The following NBPF8 variants were observed in gnomAD, a reference collection of about 807,000 sequenced individuals.
NBPF8 encodes the protein NBPF family member NBPF8.
upstream of NBPF8, among the ~76,000 whole-genome samples, chr1:120,419,241 C>T (rs1660507096): frequency 2.0e-5 from 3 of 152,190 alleles, no homozygotes; most frequent in African/African-American, 7.2e-5. Flanking sequence ...GTATGTGTTG[C>T]TGCTAAGATT....
exon 13 of NBPF8, chr1:120,452,290 G>A: frequency 7.0e-7 from 1 of 1,418,920 alleles, no homozygotes; most frequent in East Asian, 2.3e-5. Context: ...CTGGCTGAGG[G>A]GTGTAGACTG....
In NBPF8 at chr1:120,459,532, T is replaced by C; in HGVS notation, n.2784+2T>C. 7.1e-7 allele frequency: 1 copy of C among 1,415,534 alleles called. No individual in the cohort carries two copies. 87.7% of individuals were successfully genotyped at this position (1,415,534 alleles called of 1,614,324 possible). On this transcript the variant is annotated splice_donor_variant and non_coding_transcript_variant, in intron 17 of 24. Transcript: ENST00000583271. ...TCTGCATGGCTGTTGACATAGGCAGTGAGTACTCCATTGTGAAGGTGATAA... is the reference window on the plus strand; with the variant it reads ...TCTGCATGGCTGTTGACATAGGCAGCGAGTACTCCATTGTGAAGGTGATAA...
chr1:120,422,572 T>TA (rs1660604937), intron 1 of NBPF8, among the ~76,000 whole-genome samples: 1 of 134,106 alleles, frequency 7.5e-6, no homozygotes, highest in South Asian at 2.2e-4. Context: ...GCTTGTTTTG[T>TA]AAAATCACTG....
chr1:120,464,301 C>T (rs1661679861), intron 22 of NBPF8, 75 bp from the exon 21 acceptor site: 1 of 713,186 alleles, frequency 1.4e-6, no homozygotes, highest in Non-Finnish European at 2.5e-6. Context: ...CCTTATGCTA[C>T]CCATGAAACC....
Position 120,454,175 on chromosome 1 carries a change from A to G in NBPF8, n.2568+61A>G, listed in dbSNP as rs1661367583. The G allele has an allele frequency of 8.7e-6, 13 of 1,498,304 alleles. No individual in the cohort carries two copies. The South Asian group carries it at 1.4e-4, about 16-fold the overall frequency. 92.8% of individuals were successfully genotyped at this position (1,498,304 alleles called of 1,614,324 possible). Reference sequence around the variant, plus strand: ...CTAGGCTGAGGAAGATAAACTCTGAAGACAGGCTCTATAAACACAAATTCA... The same window carrying G: ...CTAGGCTGAGGAAGATAAACTCTGAGGACAGGCTCTATAAACACAAATTCA... On this transcript the variant is annotated intron_variant and non_coding_transcript_variant, in intron 15 of 24. Coordinates refer to ENST00000583271, the Ensembl canonical transcript of NBPF8.
Position 120,461,247 on chromosome 1 carries a change from T to A in NBPF8, n.2837-7T>A, listed in dbSNP as rs61807126. 1.6e-6 allele frequency: 1 copy of A among 623,198 alleles called. No individual in the cohort carries two copies. The highest frequency in any genetic ancestry group is 2.9e-6 in the Non-Finnish European group (1 of 349,684). 38.6% of individuals were successfully genotyped at this position (623,198 alleles called of 1,614,324 possible). A position where few individuals can be genotyped will look rare whatever the true frequency, so the allele number is the denominator to read the frequency against. ...GGCTTATTCTTTACTTTTTCCCACT[T>A]TTCCAGGCTCAGCAGGGAGCTGCTG... On this transcript the variant is annotated splice_polypyrimidine_tract_variant and splice_region_variant and intron_variant and non_coding_transcript_variant, in intron 18 of 24. Transcript: ENST00000583271.
upstream of NBPF8, among the ~76,000 whole-genome samples, chr1:120,415,439 A>T (rs111588993): frequency 6.6e-6 from 1 of 152,080 alleles, no homozygotes; most frequent in South Asian, 2.1e-4. Flanking sequence ...CTTAAGTTCC[A>T]TGCGTTCGAT....
downstream of NBPF8, chr1:120,467,797 T>G (rs1277805404): frequency 2.4e-4 from 36 of 152,224 alleles, no homozygotes; most frequent in African/African-American, 8.2e-4. Flanking sequence ...TTATGCTGAT[T>G]GGTTTTGGTG....
chr1:120,417,809 C>G (rs2101393133), upstream of NBPF8, among the ~76,000 whole-genome samples: 1 of 146,030 alleles, frequency 6.8e-6, no homozygotes, highest in East Asian at 2.0e-4. Context: ...ACATGTTTCC[C>G]AGGTTGGTCT....
At chr1:120,466,126 A>G (rs1261480989) in exon 25 of NBPF8, 2 of 1,610,718 alleles carry the variant, frequency 1.2e-6, no homozygotes, top group Admixed American at 3.3e-5. Flanking sequence ...GGAACAGCAC[A>G]TCAGCTTTGC....
intron 16 of NBPF8, among the ~76,000 whole-genome samples, chr1:120,456,349 A>C (rs1246629476): frequency 1.3e-5 from 2 of 149,862 alleles, no homozygotes; most frequent in Admixed American, 6.6e-5. Context: ...TGATCTGTCT[A>C]ATATTGACAC....
chr1:120,455,151 T>A (rs1205384005), intron 15 of NBPF8, among the ~76,000 whole-genome samples: 2 of 151,194 alleles, frequency 1.3e-5, no homozygotes, highest in Admixed American at 6.6e-5. Context: ...GGGGAAAAAA[T>A]TTTGTTTAAC....
chr1:120,417,607 CT>C (rs1236479966), upstream of NBPF8, among the ~76,000 whole-genome samples: 11 of 52,616 alleles, frequency 2.1e-4, no homozygotes, highest in East Asian at 2.7e-4. Context: ...TTTTGCATTT[CT>C]TTTTTTTTTT....
At chr1:120,468,090 A>G (rs1417956483), downstream of NBPF8, among the ~76,000 whole-genome samples, 1 of 151,128 alleles carries the variant, frequency 6.6e-6, no homozygotes, top group Non-Finnish European at 1.5e-5. Context: ...TATTTGGTTT[A>G]TAGTTTTAAA....
chr1:120,434,286 GTATTA>G (rs1258376515), upstream of NBPF8, among the ~76,000 whole-genome samples: 1 of 27,856 alleles, frequency 3.6e-5, no homozygotes, highest in African/African-American at 2.3e-4. Flanking sequence ...GTATATACAC[GTATTA>G]TATATATATA....
chr1:120,436,304 C>G, upstream of NBPF8: 1 of 1,442,002 alleles, frequency 6.9e-7, no homozygotes, highest in Non-Finnish European at 9.3e-7. Context: ...GTGCTTTCAG[C>G]TCTGAGTTGA....
At chr1:120,428,939 C>T (rs1461269295) in intron 3 of NBPF8, among the ~76,000 whole-genome samples, 15 of 150,252 alleles carry the variant, frequency 1.0e-4, no homozygotes, top group African/African-American at 3.7e-4. Context: ...AATATGAACA[C>T]AGACTTGGGG....
At position 120,460,529 on chromosome 1, in the gene NBPF8, A is replaced by G; in HGVS notation, n.2785-44A>G. On this transcript the variant is annotated intron_variant and non_coding_transcript_variant, in intron 17 of 24. Transcript: ENST00000583271. ...CAGAGGAATGTTTCTGTGTGCAAGG[A>G]AGAACTGCTTAATGTAAGAGGGCCC... 9 of 1,105,318 alleles carry G rather than the reference A, an allele frequency of 8.1e-6. No homozygotes were observed. The South Asian group carries it at 1.1e-4, about 14-fold the overall frequency. 68.5% of individuals were successfully genotyped at this position (1,105,318 alleles called of 1,614,324 possible).
At position 120,449,403 on chromosome 1, in the gene NBPF8, G is replaced by C; in HGVS notation, n.1971+1G>C. On this transcript the variant is annotated splice_donor_variant and non_coding_transcript_variant, in intron 11 of 24. Transcript: ENST00000583271. ...CTGGCCAACCGACAGAACAAATACA[G>C]TAAGATCTACAGGCTCACCATCATG... is the stretch of plus-strand genomic sequence containing the variant. 2.1e-6 allele frequency: 3 copies of C among 1,454,086 alleles called. No individual in the cohort carries two copies. Among genetic ancestry groups the C allele is most frequent in the Non-Finnish European group, 2.9e-6 (3 of 1,034,000 alleles). The allele number at this position is 1,454,086 out of a possible 1,614,324, so 90.1% of individuals were successfully genotyped here.
Sources: allele counts gnomAD v4.1 joint callset (sites outside exome capture counted in the v4.1 genomes callset), GRCh38; gene constraint gnomAD v4.1.1; transcripts MANE v1.5; gene names NCBI Gene and HGNC (gene_info 2026-07-23, HGNC 2026-07-21).